CAV1: variants seen among roughly 807,000 people sequenced by gnomAD.
CAV1 encodes caveolin-1.
Under a neutral mutation model 16.5 loss-of-function variants are expected in CAV1, and 10 were observed. The ratio of observed to expected loss-of-function variants is 0.61; its 90% CI spans 0.37 to 1.03. The LOEUF (loss-of-function observed/expected upper bound fraction) is 1.03, where lower values mean the gene tolerates loss of function less well. Ranked by LOEUF, CAV1 falls within the 50% of genes least tolerant of loss-of-function variation. CAV1 has a pLI of 0.01. For missense variants in CAV1, 212 were observed against 232.8 expected, an observed-to-expected ratio of 0.91 and a Z score of 0.58; for synonymous variants, 76 against 85.1, an observed-to-expected ratio of 0.89 and a Z score of 0.59.
chr7:116,548,465 G>A (rs1256808625), intron 2 of CAV1, among the ~76,000 whole-genome samples: 1 of 152,186 alleles, frequency 6.6e-6, no homozygotes, highest in Middle Eastern at 3.2e-3. Flanking sequence ...AAGCCAGCCA[G>A]CTATATCCTC....
At chr7:116,541,741 G>A (rs62469028) in intron 2 of CAV1, among the ~76,000 whole-genome samples, 1,269 of 125,058 alleles carry the variant, frequency 0.01, 10 homozygotes, top group Non-Finnish European at 0.016. Flanking sequence ...GCAACCGAGT[G>A]AGAGCCTGCC....
intron 2 of CAV1, among the ~76,000 whole-genome samples, chr7:116,545,170 T>G (rs958713362): frequency 2.6e-5 from 4 of 152,216 alleles, no homozygotes; most frequent in Non-Finnish European, 5.9e-5. Flanking sequence ...CAGGGGATAT[T>G]TGGCATTGTC....
intron 2 of CAV1, among the ~76,000 whole-genome samples, chr7:116,553,288 A>G (rs1156678522): frequency 6.6e-6 from 1 of 152,074 alleles, no homozygotes; most frequent in Non-Finnish European, 1.5e-5. Flanking sequence ...AGTATTATCA[A>G]AACAAACAGG....
Position 116,555,521 on chromosome 7 carries a change from AGAGAGAGAGAGAGAGAGAGAGAG to A in CAV1, c.196-3424_196-3402del, listed in dbSNP as rs1562838226. ...GAAAGAAAGAAAGAAAGAAAGAAAG[AGAGAGAGAGAGAGAGAGAGAGAG>A]AAAGAAAGAAAGAAAGAAAGAAAGA... On this transcript the variant is annotated intron_variant, in intron 2 of 2. Coordinates refer to ENST00000341049, the MANE Select transcript of CAV1 (RefSeq NM_001753.5). Among the ~76,000 whole-genome samples the A allele has an allele frequency of 8.3e-3, 84 of 10,162 alleles. 10 individuals carry two copies. The highest frequency in any genetic ancestry group is 0.031 in the East Asian group (5 of 160). 6.7% of individuals were successfully genotyped at this position (10,162 alleles called of 152,430 possible).
chr7:116,546,242 G>A (rs1338765991), intron 2 of CAV1, among the ~76,000 whole-genome samples: 2 of 152,168 alleles, frequency 1.3e-5, no homozygotes, highest in African/African-American at 4.8e-5. Flanking sequence ...TGTACAGCCT[G>A]CTTTGTACTG....
At chr7:116,547,073 A>G (rs1407559209) in intron 2 of CAV1, among the ~76,000 whole-genome samples, 5 of 152,120 alleles carry the variant, frequency 3.3e-5, no homozygotes, top group African/African-American at 1.2e-4. Context: ...GAGTGTTTTC[A>G]TATGACCATC....
Position 116,559,325 on chromosome 7 carries a change from T to C in CAV1, c.*38T>C, listed in dbSNP as rs1437718225. 1 of 1,524,856 alleles carries C rather than the reference T, an allele frequency of 6.6e-7. No individual in the cohort carries two copies. Among genetic ancestry groups the C allele is most frequent in the East Asian group, 2.3e-5 (1 of 43,986 alleles). 94.5% of individuals were successfully genotyped at this position (1,524,856 alleles called of 1,614,324 possible). On this transcript the variant is annotated 3_prime_UTR_variant, in exon 3 of 3. Coordinates refer to ENST00000341049, the MANE Select transcript of CAV1 (RefSeq NM_001753.5). ...GGATAGAAGTATACCTGATTTTTTTTCCTTTTAATTTTCCTGGTGCCAATT... is the reference window on the plus strand; with the variant it reads ...GGATAGAAGTATACCTGATTTTTTTCCCTTTTAATTTTCCTGGTGCCAATT...
chr7:116,526,267 G>C, intron 1 of CAV1: 1 of 1,250,538 alleles, frequency 8.0e-7, no homozygotes, highest in South Asian at 1.6e-5. Context: ...CCCTGGCGGC[G>C]GGCGGGGGAG....
At chr7:116,537,539 G>A (rs1793849782) in intron 2 of CAV1, among the ~76,000 whole-genome samples, 1 of 152,168 alleles carries the variant, frequency 6.6e-6, no homozygotes, top group Admixed American at 6.5e-5. Flanking sequence ...GGCAGGAAGT[G>A]GTAGAGTCAG....
intron 1 of CAV1, chr7:116,526,205 G>C (rs1278021138): frequency 5.5e-6 from 5 of 909,182 alleles, no homozygotes; most frequent in Admixed American, 5.9e-5. Flanking sequence ...GTGCTGAGCC[G>C]GGGCGTGCGC....
At chr7:116,552,727 G>A (rs978181663) in intron 2 of CAV1, among the ~76,000 whole-genome samples, 2 of 152,142 alleles carry the variant, frequency 1.3e-5, no homozygotes, top group Admixed American at 6.5e-5. Flanking sequence ...TTTTCATAAG[G>A]AAGACAAAGC....
At chr7:116,538,752 T>C (rs1200507639) in intron 2 of CAV1, among the ~76,000 whole-genome samples, 1 of 152,118 alleles carries the variant, frequency 6.6e-6, no homozygotes, top group Non-Finnish European at 1.5e-5. Context: ...GGGTGATGTA[T>C]TTAAAAAAAG....
rs112566748 is a variant in CAV1, at chr7:116,533,678, T to C, written c.195+6989T>C. ...GAGTTTGTAGCTATCTCCTTGACTT[T>C]CTTTATGCAGATTCCTTCACAAACT... On this transcript the variant is annotated intron_variant, in intron 2 of 2. Transcript: ENST00000341049. 2.3e-3 allele frequency among the ~76,000 whole-genome samples: 348 copies of C among 152,312 alleles called. 3 individuals are homozygous for C. The highest frequency in any genetic ancestry group is 7.8e-3 in the African/African-American group (323 of 41,572).
rs1563092584 is a variant in CAV1 at position 116,525,100 on chromosome 7, TC to T, written c.30+10del. 1 of 1,613,926 alleles carries T rather than the reference TC, an allele frequency of 6.2e-7. No individual in the cohort carries two copies. Among genetic ancestry groups the T allele is most frequent in the Admixed American group, 1.7e-5 (1 of 60,028 alleles). On this transcript the variant is annotated intron_variant, in intron 1 of 2. Coordinates refer to ENST00000341049, the MANE Select transcript of CAV1 (RefSeq NM_001753.5). ...AAATACGTAGACTCGGAGGTAGGCA[TC>T]CGTGGGGGGGCGCCGGCTCGGGCGT... is the stretch of plus-strand genomic sequence containing the variant.
At chr7:116,546,044 A>G (rs1794039071) in intron 2 of CAV1, among the ~76,000 whole-genome samples, 1 of 152,206 alleles carries the variant, frequency 6.6e-6, no homozygotes. Flanking sequence ...GATGGCAAAC[A>G]TGAGTGCCCC....
In CAV1 at chr7:116,555,398, C is replaced by T. The variant is rs185478816; in HGVS notation, c.196-3548C>T. Reference sequence around the variant, plus strand: ...AGGCTGCAGTGGGCAGTGATCATGCCGCTGCACTCTAGCCTGGATGACAGA... The same window carrying T: ...AGGCTGCAGTGGGCAGTGATCATGCTGCTGCACTCTAGCCTGGATGACAGA... On this transcript the variant is annotated intron_variant, in intron 2 of 2. Transcript: ENST00000341049. Among the ~76,000 whole-genome samples, 11 of 148,502 alleles carry T rather than the reference C, an allele frequency of 7.4e-5. 1 individual carries two copies. The highest frequency in any genetic ancestry group is 1.5e-4 in the Non-Finnish European group (10 of 67,456).
intron 2 of CAV1, among the ~76,000 whole-genome samples, chr7:116,538,583 G>A (rs1223539993): frequency 3.3e-5 from 5 of 152,170 alleles, no homozygotes; most frequent in East Asian, 3.9e-4. Flanking sequence ...TGTCTAAAAC[G>A]ATTAATAACC....
At chr7:116,535,169 G>GA (rs879684262) in intron 2 of CAV1, among the ~76,000 whole-genome samples, 1 of 152,020 alleles carries the variant, frequency 6.6e-6, no homozygotes, top group African/African-American at 2.4e-5. Flanking sequence ...CCATTTGGAG[G>GA]AAAAAAACAA....
chr7:116,534,383 A>ATTTTT (rs1562829961), intron 2 of CAV1, among the ~76,000 whole-genome samples: 1 of 9,698 alleles, frequency 1.0e-4, no homozygotes, highest in African/African-American at 3.2e-4. Context: ...ATATATATAT[A>ATTTTT]TATATATATA....
Sources: gnomAD v4.1 joint callset for allele counts (sites outside exome capture counted in the v4.1 genomes callset) on GRCh38, gnomAD v4.1.1 for gene constraint, MANE v1.5 for transcripts, NCBI Gene and HGNC (gene_info 2026-07-23, HGNC 2026-07-21) for gene names.